ARHGAP15: variants seen among roughly 807,000 people sequenced by gnomAD.
The protein encoded by ARHGAP15 is rho GTPase-activating protein 15.
In ARHGAP15, 51 loss-of-function variants were observed where a neutral mutation model predicts 63.7. That is an observed-to-expected ratio of 0.80 (90% CI 0.64 to 1.01). ARHGAP15 has a LOEUF of 1.01. Ranked by LOEUF, ARHGAP15 falls within the 50% of genes least tolerant of loss-of-function variation. ARHGAP15 has a pLI of 0.00. For missense variants in ARHGAP15, 560 were observed against 564.6 expected (o/e 0.99, Z 0.08); for synonymous variants, 191 against 193.8 (o/e 0.99, Z 0.12).
At chr2:143,138,963 G>T (rs1342370007) in intron 1 of ARHGAP15, among the ~76,000 whole-genome samples, 1 of 151,956 alleles carries the variant, frequency 6.6e-6, no homozygotes. Flanking sequence ...AACTACATGT[G>T]TGTGGCTCAT....
chr2:143,619,861 C>G (rs1013743180), intron 11 of ARHGAP15, among the ~76,000 whole-genome samples: 35 of 152,250 alleles, frequency 2.3e-4, no homozygotes, highest in African/African-American at 8.4e-4. Context: ...TGAGGCCTCC[C>G]CAGTTGTTCT....
intron 6 of ARHGAP15, among the ~76,000 whole-genome samples, chr2:143,329,916 C>A (rs1271337676): frequency 3.8e-5 from 5 of 131,832 alleles, no homozygotes; most frequent in Admixed American, 7.5e-5. Context: ...GCCCTCCAAC[C>A]CCCATCACTA....
intron 13 of ARHGAP15, among the ~76,000 whole-genome samples, chr2:143,756,090 G>A (rs1686566431): frequency 6.6e-6 from 1 of 152,130 alleles, no homozygotes. Context: ...TAAACAAGGA[G>A]ACAATTTTCA....
intron 6 of ARHGAP15, among the ~76,000 whole-genome samples, chr2:143,410,976 G>A (rs1289284915): frequency 6.6e-6 from 1 of 152,192 alleles, no homozygotes; most frequent in Non-Finnish European, 1.5e-5. Flanking sequence ...GGCCAAGGCA[G>A]ACGGATCACC....
chr2:143,433,777 C>G (rs914182757), intron 6 of ARHGAP15, among the ~76,000 whole-genome samples: 1 of 151,956 alleles, frequency 6.6e-6, no homozygotes, highest in African/African-American at 2.4e-5. Flanking sequence ...TTTATTTATA[C>G]TGGCAGAGAA....
intron 8 of ARHGAP15, among the ~76,000 whole-genome samples, chr2:143,469,974 T>A (rs1453136739): frequency 6.6e-6 from 1 of 151,928 alleles, no homozygotes; most frequent in Non-Finnish European, 1.5e-5. Flanking sequence ...TTTCTCTCTC[T>A]CTCTCTCCAT....
chr2:143,180,865 G>A (rs1441884617), intron 2 of ARHGAP15, among the ~76,000 whole-genome samples: 7 of 152,176 alleles, frequency 4.6e-5, no homozygotes, highest in Admixed American at 3.9e-4. Context: ...AGTAGAGACG[G>A]GGTTTCACCG....
intron 6 of ARHGAP15, among the ~76,000 whole-genome samples, chr2:143,400,143 G>A (rs577226078): frequency 6.6e-6 from 1 of 150,582 alleles, no homozygotes; most frequent in Admixed American, 6.6e-5. Flanking sequence ...TGAGATGAAT[G>A]TCTGAGTTTA....
intron 9 of ARHGAP15, among the ~76,000 whole-genome samples, chr2:143,489,652 T>C (rs149034018): frequency 2.6e-5 from 4 of 152,276 alleles, no homozygotes; most frequent in Admixed American, 2.6e-4. Context: ...AGCAAAGACT[T>C]AGAAAAACAA....
chr2:143,288,850 A>G (rs1388066656), intron 6 of ARHGAP15, among the ~76,000 whole-genome samples: 2 of 152,054 alleles, frequency 1.3e-5, no homozygotes, highest in African/African-American at 4.8e-5. Flanking sequence ...CTGCTGCTAC[A>G]ATCAGAAATC....
At chr2:143,258,629 A>G (rs1416148981) in intron 6 of ARHGAP15, among the ~76,000 whole-genome samples, 1 of 152,162 alleles carries the variant, frequency 6.6e-6, no homozygotes, top group African/African-American at 2.4e-5. Flanking sequence ...TCTTAACAAA[A>G]CAGGATGTTG....
At chr2:143,614,304 A>G (rs72857975) in intron 11 of ARHGAP15, among the ~76,000 whole-genome samples, 33,937 of 152,098 alleles carry the variant, frequency 0.22, 4,449 homozygotes, top group Non-Finnish European at 0.31. Flanking sequence ...ATTTTTTTCT[A>G]TTTGACCAAA....
At chr2:143,357,755 A>T (rs996730063) in intron 6 of ARHGAP15, among the ~76,000 whole-genome samples, 1 of 152,228 alleles carries the variant, frequency 6.6e-6, no homozygotes, top group African/African-American at 2.4e-5. Flanking sequence ...TAAGATAATG[A>T]TTTAAAAAGG....
At chr2:143,346,172 ACTCTCTCT>A (rs72188499) in intron 6 of ARHGAP15, among the ~76,000 whole-genome samples, 16 of 138,918 alleles carry the variant, frequency 1.2e-4, no homozygotes, top group African/African-American at 3.1e-4. Flanking sequence ...ACACACACAC[ACTCTCTCT>A]CTCACACACA....
At chr2:143,259,352 T>C (rs1013337252) in intron 6 of ARHGAP15, among the ~76,000 whole-genome samples, 3 of 152,152 alleles carry the variant, frequency 2.0e-5, no homozygotes, top group Admixed American at 6.6e-5. Flanking sequence ...CTCAATTTAA[T>C]GTTTAATGCA....
chr2:143,410,872 A>G (rs1688412220), intron 6 of ARHGAP15, among the ~76,000 whole-genome samples: 1 of 150,182 alleles, frequency 6.7e-6, no homozygotes, highest in South Asian at 2.1e-4. Flanking sequence ...GATTTATATG[A>G]TCATGATAGC....
chr2:143,383,270 C>T (rs1687133347), intron 6 of ARHGAP15, among the ~76,000 whole-genome samples: 1 of 152,146 alleles, frequency 6.6e-6, no homozygotes, highest in Non-Finnish European at 1.5e-5. Flanking sequence ...GTATAATTGT[C>T]ATTGTCACTT....
chr2:143,476,150 G>A (rs947631903), intron 8 of ARHGAP15, among the ~76,000 whole-genome samples: 1 of 152,104 alleles, frequency 6.6e-6, no homozygotes, highest in Non-Finnish European at 1.5e-5. Context: ...GTTTCTTAAA[G>A]GATAAAAACT....
chr2:143,401,522 T>C (rs1043352352), intron 6 of ARHGAP15, among the ~76,000 whole-genome samples: 1 of 152,028 alleles, frequency 6.6e-6, no homozygotes, highest in African/African-American at 2.4e-5. Context: ...TTCTAAAAAA[T>C]GAATTGGTAT....
Sources: allele counts gnomAD v4.1 joint callset (sites outside exome capture counted in the v4.1 genomes callset), GRCh38; gene constraint gnomAD v4.1.1; transcripts MANE v1.5; gene names NCBI Gene and HGNC (gene_info 2026-07-23, HGNC 2026-07-21).